Variants in AGTPBP1 observed in about 807,000 individuals in gnomAD.
AGTPBP1 encodes the protein ATP/GTP binding carboxypeptidase 1, also known as cytosolic carboxypeptidase 1.
AGTPBP1 carries 70 observed loss-of-function variants against 143.9 expected under a neutral mutation model. That is an observed-to-expected ratio of 0.49 (90% CI 0.40 to 0.59). The LOEUF is 0.59. AGTPBP1 is among the 20% of genes least tolerant of loss of function. The pLI is 0.00. For synonymous variants in AGTPBP1, 463 were observed against 500.2 expected (o/e 0.93, Z 0.99); for missense variants, 1,229 against 1,464.5 (o/e 0.84, Z 2.62).
the AGTPBP1 span, among the ~76,000 whole-genome samples, chr9:85,777,767 T>G: frequency 1.3e-5 from 2 of 152,218 alleles, no homozygotes; most frequent in African/African-American, 4.8e-5. Flanking sequence ...TCCCTGACCA[T>G]CCAGCCAAAC....
At chr9:85,633,515 A>G (rs998592357) in intron 13 of AGTPBP1, 141 bp from the exon 14 acceptor site, 2 of 591,820 alleles carry the variant, frequency 3.4e-6, no homozygotes, top group African/African-American at 3.9e-5. Context: ...TTTTCATTTC[A>G]CTAAAAAGAC....
chr9:85,699,969 G>A (rs758587927), intron 2 of AGTPBP1, among the ~76,000 whole-genome samples: 14 of 152,086 alleles, frequency 9.2e-5, no homozygotes, highest in Non-Finnish European at 1.8e-4. Flanking sequence ...AGAGAAGAGC[G>A]GCAGTGTTTT....
At position 85,698,536 on chromosome 9, in the gene AGTPBP1, T is replaced by C. The variant is rs118090827; in HGVS notation, c.33-5723A>G. 8.8e-3 allele frequency among the ~76,000 whole-genome samples: 1,345 copies of C among 152,114 alleles called. 6 individuals carry two copies. The highest frequency in any genetic ancestry group is 0.017 in the Middle Eastern group (5 of 292). ...GGCAGCTCTACCATTTGACTACATTTTGGCTTTGGAAAATCTGAGGGCGGT... is the reference window on the plus strand; with the variant it reads ...GGCAGCTCTACCATTTGACTACATTCTGGCTTTGGAAAATCTGAGGGCGGT... On this transcript the variant is annotated intron_variant, in intron 2 of 25. Coordinates refer to ENST00000357081, the MANE Select transcript of AGTPBP1 (RefSeq NM_001330701.2).
At chr9:85,550,707 C>A (rs1825987379) in intron 25 of AGTPBP1, among the ~76,000 whole-genome samples, 1 of 152,142 alleles carries the variant, frequency 6.6e-6, no homozygotes, top group Non-Finnish European at 1.5e-5. Flanking sequence ...GGAAAACTCA[C>A]CGTTCTCCCC....
chr9:85,622,402 A>G (rs1587757306), intron 14 of AGTPBP1, among the ~76,000 whole-genome samples: 3 of 152,212 alleles, frequency 2.0e-5, no homozygotes, highest in Admixed American at 2.0e-4. Context: ...GTTTAGAAAT[A>G]TATGTAACAA....
At chr9:85,628,529 T>C (rs1157426353) in intron 14 of AGTPBP1, among the ~76,000 whole-genome samples, 1 of 152,092 alleles carries the variant, frequency 6.6e-6, no homozygotes, top group African/African-American at 2.4e-5. Flanking sequence ...TCAGAACACA[T>C]CTCCATCAAG....
At chr9:85,754,254 C>T in the AGTPBP1 span, among the ~76,000 whole-genome samples, 1,284 of 152,270 alleles carry the variant, frequency 8.4e-3, 9 homozygotes, top group Middle Eastern at 0.024. Flanking sequence ...TGCTGTGGCA[C>T]GATCTCAGCT....
At chr9:85,718,262 G>T (rs952345618) in intron 1 of AGTPBP1, among the ~76,000 whole-genome samples, 1 of 152,122 alleles carries the variant, frequency 6.6e-6, no homozygotes, top group African/African-American at 2.4e-5. Context: ...TTCCACAATG[G>T]TTGAACTAAT....
rs1319439441 is a variant in AGTPBP1, at chr9:85,721,538, T to G, written c.-33-8972A>C. 6.0e-5 allele frequency among the ~76,000 whole-genome samples: 9 copies of G among 149,564 alleles called. No homozygotes were observed. In the Middle Eastern group the frequency reaches 0.01, roughly 172 times the overall value. ...CATTTGCTTGGTAGATCTTCCTCCA[T>G]CCCTTTATTTTTAGTCTATTTGTGT... On this transcript the variant is annotated intron_variant, in intron 1 of 25. Coordinates refer to ENST00000357081, the MANE Select transcript of AGTPBP1 (RefSeq NM_001330701.2).
rs1187325060 is a variant in AGTPBP1, at chr9:85,555,253, T to C, written c.3504-7967A>G. Among the ~76,000 whole-genome samples the C allele has an allele frequency of 4.6e-5, 7 of 151,822 alleles. No individual in the cohort carries two copies. In the East Asian group the frequency reaches 1.4e-3, roughly 29 times the overall value. On this transcript the variant is annotated intron_variant, in intron 25 of 25. Coordinates refer to ENST00000357081, the MANE Select transcript of AGTPBP1 (RefSeq NM_001330701.2). The stretch of plus-strand genomic sequence containing the variant: ...TAGCAAAATTGCTAAAAACCAGAAA[T>C]AGAAAAACCTAAAAGCATCCAGACA...
intron 1 of AGTPBP1, among the ~76,000 whole-genome samples, chr9:85,722,862 T>C (rs758746135): frequency 2.0e-5 from 3 of 152,148 alleles, no homozygotes; most frequent in Non-Finnish European, 2.9e-5. Flanking sequence ...GGTTTTGAGG[T>C]GGATGTGCTT....
the AGTPBP1 span, among the ~76,000 whole-genome samples, chr9:85,780,388 T>A: frequency 6.8e-6 from 1 of 147,614 alleles, no homozygotes; most frequent in African/African-American, 2.5e-5. Flanking sequence ...TTCTGTGGTG[T>A]TTTCCTTTGT....
chr9:85,665,802 T>G (rs985115086), intron 8 of AGTPBP1, among the ~76,000 whole-genome samples: 2 of 152,164 alleles, frequency 1.3e-5, no homozygotes, highest in African/African-American at 4.8e-5. Context: ...TGTTTCTTAT[T>G]ATTTCCAGTA....
the AGTPBP1 span, chr9:85,786,312 C>G: frequency 2.0e-4 from 317 of 1,607,556 alleles, 4 homozygotes; most frequent in South Asian, 2.3e-3. Flanking sequence ...TAGCACCCCC[C>G]AGTGGGCATA....
intron 1 of AGTPBP1, among the ~76,000 whole-genome samples, chr9:85,732,278 G>A (rs920719668): frequency 2.8e-5 from 4 of 143,136 alleles, no homozygotes; most frequent in Non-Finnish European, 4.5e-5. Flanking sequence ...GCAGCGGCGT[G>A]ATTTCAGCTC....
the AGTPBP1 span, among the ~76,000 whole-genome samples, chr9:85,775,506 T>C: frequency 7.6e-3 from 1,125 of 147,460 alleles, 50 homozygotes; most frequent in Admixed American, 0.071. Flanking sequence ...CAGAATAGCA[T>C]ATATATATCA....
At chr9:85,717,571 T>C (rs796745674) in intron 1 of AGTPBP1, among the ~76,000 whole-genome samples, 49 of 152,116 alleles carry the variant, frequency 3.2e-4, no homozygotes, top group African/African-American at 1.2e-3. Context: ...CCTCCCAAAA[T>C]CCTTATGTTG....
At chr9:85,685,735 C>T (rs1835448158) in intron 3 of AGTPBP1, among the ~76,000 whole-genome samples, 2 of 151,952 alleles carry the variant, frequency 1.3e-5, no homozygotes, top group Admixed American at 1.3e-4. Context: ...TAAAAACTAC[C>T]TTTTTTCTTT....
chr9:85,630,558 C>T (rs571157640), intron 14 of AGTPBP1, among the ~76,000 whole-genome samples: 1 of 152,248 alleles, frequency 6.6e-6, no homozygotes, highest in East Asian at 1.9e-4. Context: ...CGGCTCACTG[C>T]AGCCTCTGCC....
Sources: gnomAD v4.1 joint callset for allele counts (sites outside exome capture counted in the v4.1 genomes callset) on GRCh38, gnomAD v4.1.1 for gene constraint, MANE v1.5 for transcripts, NCBI Gene and HGNC (gene_info 2026-07-23, HGNC 2026-07-21) for gene names.